SYN3: variants seen among roughly 807,000 people sequenced by gnomAD.
SYN3 encodes the protein synapsin III, also known as synapsin-3.
SYN3 carries 35 observed loss-of-function variants against 65.8 expected under a neutral mutation model. That is an observed-to-expected ratio of 0.53 (90% CI 0.41 to 0.70). The LOEUF is 0.70. SYN3 is among the 30% of genes least tolerant of loss of function. SYN3 has a pLI of 0.00. For missense variants in SYN3, 680 were observed against 749.0 expected, an observed-to-expected ratio of 0.91 and a Z score of 1.08; for synonymous variants, 270 against 292.9, an observed-to-expected ratio of 0.92 and a Z score of 0.80.
intron 7 of SYN3, among the ~76,000 whole-genome samples, chr22:32,566,708 G>C (rs986056588): frequency 6.7e-6 from 1 of 149,940 alleles, no homozygotes; most frequent in African/African-American, 2.5e-5. Context: ...ACAACTACAG[G>C]CTCCTTTTTA....
At chr22:33,028,582 A>G (rs2053678848) in intron 1 of SYN3, among the ~76,000 whole-genome samples, 1 of 148,038 alleles carries the variant, frequency 6.8e-6, no homozygotes. Flanking sequence ...TGGGCAGAGG[A>G]AGGGATTAAG....
At chr22:32,990,009 T>A (rs879422353) in intron 2 of SYN3, among the ~76,000 whole-genome samples, 2 of 152,124 alleles carry the variant, frequency 1.3e-5, no homozygotes, top group Non-Finnish European at 2.9e-5. Context: ...AAACACTTAT[T>A]GAGCATCTAC....
At chr22:32,516,045 C>A (rs1048683785) in intron 13 of SYN3, among the ~76,000 whole-genome samples, 4 of 152,052 alleles carry the variant, frequency 2.6e-5, no homozygotes, top group Non-Finnish European at 2.9e-5. Context: ...TGATCCGCCC[C>A]CCTCCACCTC....
chr22:32,914,842 A>T lies in SYN3; in HGVS notation c.461+16548T>A, dbSNP rs577775778. ...GTAAGAACTTGATACATGTTTGAAA[A>T]CAAAGGAAGGCTATAGAGATTTCTA... On this transcript the variant is annotated intron_variant, in intron 4 of 13. Coordinates refer to ENST00000358763, the MANE Select transcript of SYN3 (RefSeq NM_003490.4). Among the ~76,000 whole-genome samples, 3 of 152,284 alleles carry T rather than the reference A, an allele frequency of 2.0e-5. No individual in the cohort carries two copies. The South Asian group carries it at 6.2e-4, about 32-fold the overall frequency.
intron 1 of SYN3, among the ~76,000 whole-genome samples, chr22:33,051,916 G>A (rs539127202): frequency 6.6e-6 from 1 of 152,174 alleles, no homozygotes; most frequent in Non-Finnish European, 1.5e-5. Flanking sequence ...AAAAGAAAGC[G>A]TGTATCTTCA....
At position 32,780,934 on chromosome 22, in the gene SYN3, TTTCCTTCCTTCCTTCCTTCC is replaced by T. The variant is rs71187216; in HGVS notation, c.711+83961_711+83980del. ...CTTGCTTCCTTCCTTCCTTCCTTCCTTTCCTTCCTTCCTTCCTTCCTTCCTTCCTTCCTTCCTTCCTTCCC... is the reference window on the plus strand; with the variant it reads ...CTTGCTTCCTTCCTTCCTTCCTTCCTTTCCTTCCTTCCTTCCTTCCTTCCC... On this transcript the variant is annotated intron_variant, in intron 6 of 13. Coordinates refer to ENST00000358763, the MANE Select transcript of SYN3 (RefSeq NM_003490.4). Among the ~76,000 whole-genome samples the T allele has an allele frequency of 8.5e-5, 7 of 82,690 alleles. No individual in the cohort carries two copies. The South Asian group carries it at 1.2e-3, about 15-fold the overall frequency. The allele number at this position is 82,690 out of a possible 152,430, so 54.2% of individuals were successfully genotyped here.
chr22:32,651,780 G>C lies in SYN3; in HGVS notation c.712-55044C>G, dbSNP rs2060075080. ...GGTTGATCCCTCAGATTTACATTAGGGGATGGTGACATATGGGCCTCGTGG... is the reference window on the plus strand; with the variant it reads ...GGTTGATCCCTCAGATTTACATTAGCGGATGGTGACATATGGGCCTCGTGG... On this transcript the variant is annotated intron_variant, in intron 6 of 13. Coordinates refer to ENST00000358763, the MANE Select transcript of SYN3 (RefSeq NM_003490.4). Among the ~76,000 whole-genome samples, 4 of 152,148 alleles carry C rather than the reference G, an allele frequency of 2.6e-5. No homozygotes were observed. In the South Asian group the frequency reaches 8.3e-4, roughly 32 times the overall value.
chr22:32,773,997 C>G (rs1002018829), intron 6 of SYN3, among the ~76,000 whole-genome samples: 1 of 152,012 alleles, frequency 6.6e-6, no homozygotes, highest in African/African-American at 2.4e-5. Context: ...TCCGGGGAAG[C>G]AGAATGTGTC....
At chr22:32,521,617 T>A (rs982854325) in intron 12 of SYN3, among the ~76,000 whole-genome samples, 9 of 151,910 alleles carry the variant, frequency 5.9e-5, no homozygotes, top group African/African-American at 2.2e-4. Context: ...CAGCTAATTT[T>A]TTGTATTTTT....
intron 6 of SYN3, among the ~76,000 whole-genome samples, chr22:32,683,461 A>G (rs1241529288): frequency 6.6e-6 from 1 of 151,988 alleles, no homozygotes; most frequent in African/African-American, 2.4e-5. Flanking sequence ...GCTCTGCTTC[A>G]CAGATCGGGT....
chr22:32,959,507 C>T (rs1026761068), intron 3 of SYN3, among the ~76,000 whole-genome samples: 3 of 151,524 alleles, frequency 2.0e-5, no homozygotes, highest in Non-Finnish European at 4.4e-5. Context: ...GCCAAGATTG[C>T]GCCACTGTAC....
intron 6 of SYN3, among the ~76,000 whole-genome samples, chr22:32,839,715 T>A (rs2047839224): frequency 6.6e-6 from 1 of 152,176 alleles, no homozygotes; most frequent in Non-Finnish European, 1.5e-5. Context: ...AAGGAGCGAC[T>A]CTTAAATTTT....
rs537846662 is a variant in SYN3, at chr22:32,617,443, A to G, written c.712-20707T>C. On this transcript the variant is annotated intron_variant, in intron 6 of 13. Transcript: ENST00000358763. ...CATCACTGACTCTGCATTTGCTTAC[A>G]TTTGAACATTTCCATGACACATCTT... Among the ~76,000 whole-genome samples, 4 of 151,028 alleles carry G rather than the reference A, an allele frequency of 2.6e-5. No homozygotes were observed. The East Asian group carries it at 5.8e-4, about 22-fold the overall frequency.
chr22:32,523,102 C>T (rs567509227), intron 12 of SYN3, among the ~76,000 whole-genome samples: 1 of 152,340 alleles, frequency 6.6e-6, no homozygotes, highest in South Asian at 2.1e-4. Flanking sequence ...ACAATTGTCA[C>T]AAATTTCAAA....
chr22:32,949,036 C>T (rs1391364974), intron 3 of SYN3, among the ~76,000 whole-genome samples: 1 of 152,072 alleles, frequency 6.6e-6, no homozygotes, highest in East Asian at 1.9e-4. Flanking sequence ...TATATACTTA[C>T]CAGTTGAGCA....
intron 2 of SYN3, among the ~76,000 whole-genome samples, chr22:32,987,307 G>A (rs1027079446): frequency 2.0e-5 from 3 of 152,198 alleles, no homozygotes; most frequent in African/African-American, 7.2e-5. Flanking sequence ...TGCAGAAAAT[G>A]AAGGCAAAAC....
At chr22:32,545,927 C>A (rs1405390102) in intron 7 of SYN3, among the ~76,000 whole-genome samples, 1 of 151,864 alleles carries the variant, frequency 6.6e-6, no homozygotes, top group East Asian at 1.9e-4. Context: ...TTTTCTATTT[C>A]TATTTATTTA....
At chr22:32,765,102 T>A (rs897640427) in intron 6 of SYN3, among the ~76,000 whole-genome samples, 3 of 151,936 alleles carry the variant, frequency 2.0e-5, no homozygotes, top group Admixed American at 2.0e-4. Context: ...GACAACTATT[T>A]TTCCCTGGTT....
intron 4 of SYN3, among the ~76,000 whole-genome samples, chr22:32,925,784 C>T (rs1346538934): frequency 2.0e-5 from 3 of 151,892 alleles, no homozygotes; most frequent in Non-Finnish European, 4.4e-5. Flanking sequence ...GTCTGGGACA[C>T]TGCTTGGGTA....
Sources: allele counts gnomAD v4.1 joint callset (sites outside exome capture counted in the v4.1 genomes callset), GRCh38; gene constraint gnomAD v4.1.1; transcripts MANE v1.5; gene names NCBI Gene and HGNC (gene_info 2026-07-23, HGNC 2026-07-21).